The following ANKS1B variants were observed in gnomAD, a reference collection of about 807,000 sequenced individuals.
The protein encoded by ANKS1B is ankyrin repeat and sterile alpha motif domain-containing protein 1B.
Under a neutral mutation model 148.3 loss-of-function variants are expected in ANKS1B, and 36 were observed. The ratio of observed to expected loss-of-function variants is 0.24; its 90% CI spans 0.19 to 0.32. The LOEUF (loss-of-function observed/expected upper bound fraction) is 0.32, where lower values mean the gene tolerates loss of function less well. Ranked by LOEUF, ANKS1B falls within the 10% of genes least tolerant of loss-of-function variation. The pLI is 1.00. For missense variants in ANKS1B, 1,157 were observed against 1,542.6 expected (o/e 0.75, Z 4.19); for synonymous variants, 542 against 560.8 (o/e 0.97, Z 0.47).
chr12:99,691,501 G>A (rs1009652431), intron 8 of ANKS1B, among the ~76,000 whole-genome samples: 6 of 152,134 alleles, frequency 3.9e-5, no homozygotes, highest in African/African-American at 1.4e-4. Context: ...CAAGTTCAAA[G>A]TTCCACAGAT....
intron 15 of ANKS1B, among the ~76,000 whole-genome samples, chr12:99,099,351 G>T (rs2057296987): frequency 6.6e-6 from 1 of 152,222 alleles, no homozygotes; most frequent in Admixed American, 6.5e-5. Flanking sequence ...ATGGATGGAG[G>T]TAATGTGGCA....
At chr12:98,976,473 AGAGGTTTCT>A (rs2099896247) in intron 17 of ANKS1B, 1 of 152,202 alleles carries the variant, frequency 6.6e-6, no homozygotes, top group Non-Finnish European at 1.5e-5. Flanking sequence ...TTGTCTACAC[AGAGGTTTCT>A]GAGTCAAAGG....
intron 1 of ANKS1B, among the ~76,000 whole-genome samples, chr12:99,832,593 G>A (rs1301116485): frequency 6.6e-6 from 1 of 152,004 alleles, no homozygotes; most frequent in East Asian, 1.9e-4. Context: ...GCATGGTGGT[G>A]CATGCCTGTA....
chr12:98,981,151 A>C (rs2099909705), intron 17 of ANKS1B, among the ~76,000 whole-genome samples: 1 of 151,762 alleles, frequency 6.6e-6, no homozygotes, highest in Admixed American at 6.6e-5. Context: ...ACTAAAAATA[A>C]AAAAAATTAG....
intron 9 of ANKS1B, among the ~76,000 whole-genome samples, chr12:99,652,030 T>C (rs2098423216): frequency 6.6e-6 from 1 of 150,550 alleles, no homozygotes; most frequent in Non-Finnish European, 1.5e-5. Context: ...TGAAAATGTA[T>C]ATATATAAAC....
intron 8 of ANKS1B, among the ~76,000 whole-genome samples, chr12:99,697,052 T>C (rs569376396): frequency 1.7e-4 from 26 of 152,168 alleles, no homozygotes; most frequent in Non-Finnish European, 2.6e-4. Flanking sequence ...TCTACCAGAA[T>C]GACTAACATA....
intron 17 of ANKS1B, among the ~76,000 whole-genome samples, chr12:98,995,087 T>G (rs1159635408): frequency 2.0e-5 from 3 of 152,204 alleles, no homozygotes; most frequent in Admixed American, 2.0e-4. Context: ...CACATGTGGT[T>G]TGTGTTTCAA....
At chr12:99,476,330 T>A (rs545956191) in intron 10 of ANKS1B, among the ~76,000 whole-genome samples, 2 of 152,214 alleles carry the variant, frequency 1.3e-5, no homozygotes, top group African/African-American at 4.8e-5. Flanking sequence ...GAGGTGCAGG[T>A]TGCAGTGAGC....
At chr12:99,326,112 C>A (rs866626460) in intron 12 of ANKS1B, among the ~76,000 whole-genome samples, 1 of 151,936 alleles carries the variant, frequency 6.6e-6, no homozygotes, top group Non-Finnish European at 1.5e-5. Flanking sequence ...ATTGCTCCCA[C>A]GATTCAATTA....
At chr12:98,770,609 A>G (rs1472047660) in intron 25 of ANKS1B, among the ~76,000 whole-genome samples, 1 of 151,514 alleles carries the variant, frequency 6.6e-6, no homozygotes, top group Admixed American at 6.6e-5. Flanking sequence ...CCCAAATGGA[A>G]GGGTTTGTTT....
chr12:99,481,009 T>G (rs2096401454), intron 10 of ANKS1B, among the ~76,000 whole-genome samples: 1 of 151,480 alleles, frequency 6.6e-6, no homozygotes, highest in Non-Finnish European at 1.5e-5. Context: ...TTTTTTTTAC[T>G]GTTAAGAGCA....
chr12:99,319,187 G>A (rs1566882603), intron 12 of ANKS1B, among the ~76,000 whole-genome samples: 1 of 152,126 alleles, frequency 6.6e-6, no homozygotes, highest in Non-Finnish European at 1.5e-5. Flanking sequence ...TGTCTGTTAG[G>A]TCCACTTGGT....
intron 8 of ANKS1B, among the ~76,000 whole-genome samples, chr12:99,732,356 T>G (rs2059244413): frequency 6.6e-6 from 1 of 152,164 alleles, no homozygotes; most frequent in African/African-American, 2.4e-5. Context: ...ATTCATAACT[T>G]TATTAATTAC....
intron 12 of ANKS1B, among the ~76,000 whole-genome samples, chr12:99,333,854 G>GTTTTTTTTGTTTTTTT (rs35682274): frequency 9.3e-6 from 1 of 107,484 alleles, no homozygotes; most frequent in African/African-American, 4.0e-5. Context: ...CCAGTTCTCA[G>GTTTTTTTTGTTTTTTT]TTTTTTTTTT....
chr12:99,217,273 G>A (rs1469117534), intron 14 of ANKS1B, among the ~76,000 whole-genome samples: 1 of 151,676 alleles, frequency 6.6e-6, no homozygotes, highest in South Asian at 2.1e-4. Context: ...TCACTCATGT[G>A]TGCCAATCTC....
At chr12:99,053,102 A>T in intron 17 of ANKS1B, 55 bp downstream of exon 17, 1 of 1,444,918 alleles carries the variant, frequency 6.9e-7, no homozygotes, top group East Asian at 2.5e-5. Flanking sequence ...AAAGAAAATT[A>T]AATTTCATTT....
intron 17 of ANKS1B, among the ~76,000 whole-genome samples, chr12:98,949,439 G>A (rs193175542): frequency 1.4e-4 from 21 of 152,270 alleles, no homozygotes; most frequent in African/African-American, 4.8e-4. Flanking sequence ...TAGGAGGTAG[G>A]ATGCCAGATA....
At chr12:99,155,178 G>A in intron 14 of ANKS1B, 1 of 1,365,678 alleles carries the variant, frequency 7.3e-7, no homozygotes, top group South Asian at 1.6e-5. Context: ...CTCACGACAG[G>A]TTCCCTTTCT....
rs2098732815 is a variant in ANKS1B at position 98,781,293 on chromosome 12, C to A, written c.3355-90G>T. ...TTTCCTCCTGAAAGATAAAGATGAGCTCAAATTAAAAACAACAACAACACA... is the reference window on the plus strand; with the variant it reads ...TTTCCTCCTGAAAGATAAAGATGAGATCAAATTAAAAACAACAACAACACA... On this transcript the variant is annotated intron_variant, in intron 23 of 26. Coordinates refer to ENST00000683438, the MANE Select transcript of ANKS1B (RefSeq NM_001352186.2). The A allele has an allele frequency of 4.1e-6, 3 of 735,106 alleles. No homozygotes were observed. The African/African-American group carries it at 5.3e-5, about 13-fold the overall frequency. 45.5% of individuals were successfully genotyped at this position (735,106 alleles called of 1,614,324 possible).
Sources: allele counts gnomAD v4.1 joint callset (sites outside exome capture counted in the v4.1 genomes callset), GRCh38; gene constraint gnomAD v4.1.1; transcripts MANE v1.5; gene names NCBI Gene and HGNC (gene_info 2026-07-23, HGNC 2026-07-21).